Variants in L2HGDH observed in about 807,000 individuals in gnomAD.
L2HGDH encodes L-2-hydroxyglutarate dehydrogenase, mitochondrial.
A neutral mutation model predicts 51.5 loss-of-function variants in L2HGDH; 34 were observed. The observed-to-expected ratio is 0.66, with a 90% CI of 0.50 to 0.88. The LOEUF is 0.88. Ranked by LOEUF, L2HGDH falls within the 40% of genes least tolerant of loss-of-function variation. L2HGDH has a pLI of 0.00. For missense variants in L2HGDH, 558 were observed against 571.9 expected (o/e 0.98, Z 0.25); for synonymous variants, 198 against 197.9 (o/e 1.00, Z -0.01).
At chr14:50,303,664 C>T (rs894872176) in intron 1 of L2HGDH, among the ~76,000 whole-genome samples, 1 of 151,366 alleles carries the variant, frequency 6.6e-6, no homozygotes, top group Non-Finnish European at 1.5e-5. Context: ...GTAATCCCAA[C>T]TACTCGGGAG....
chr14:50,245,835 T>C lies in L2HGDH; in HGVS notation c.*1223A>G. 2.0e-6 allele frequency: 2 copies of C among 985,324 alleles called. No individual in the cohort carries two copies. The highest frequency in any genetic ancestry group is 2.4e-6 in the Non-Finnish European group (2 of 829,860). The allele number at this position is 985,324 out of a possible 1,614,324, so 61.0% of individuals were successfully genotyped here. ...GACAGGTCATTAACAAAGTCAGGGA[T>C]TCAGGGCTGAGCATGATGGCTCGCA... On this transcript the variant is annotated 3_prime_UTR_variant, in exon 10 of 10. Coordinates refer to ENST00000267436, the MANE Select transcript of L2HGDH (RefSeq NM_024884.3).
At chr14:50,294,587 T>C (rs1274103979) in intron 3 of L2HGDH, among the ~76,000 whole-genome samples, 1 of 152,174 alleles carries the variant, frequency 6.6e-6, no homozygotes, top group Non-Finnish European at 1.5e-5. Context: ...GAAGCATAAG[T>C]TGCTTGGACT....
At chr14:50,268,302 C>G (rs1225408043) in intron 7 of L2HGDH, among the ~76,000 whole-genome samples, 1 of 151,388 alleles carries the variant, frequency 6.6e-6, no homozygotes, top group African/African-American at 2.4e-5. Flanking sequence ...TCACTTAAAC[C>G]CAGGAGATGG....
rs554320769 is a variant in L2HGDH at position 50,267,865 on chromosome 14, T to G, written c.952A>C (p.Arg318=). ...CCTAGCCAAATACTGCCATCCATCC[T>G]TGGTGTGAAGTGAACTCCTAGGAAA... The part of the protein sequence containing the change: ...FPFLGVHFTP[R]MDGSIWLGPN... Residue 318 remains arginine (R), a synonymous_variant, in exon 8 of 10, where the codon AGG becomes CGG. Coordinates refer to ENST00000267436, the MANE Select transcript of L2HGDH (RefSeq NM_024884.3). The G allele has an allele frequency of 6.2e-7, 1 of 1,614,164 alleles. No homozygotes were observed. The highest frequency in any genetic ancestry group is 1.3e-5 in the African/African-American group (1 of 75,066).
At chr14:50,286,302 G>A (rs996418268) in intron 4 of L2HGDH, among the ~76,000 whole-genome samples, 2 of 152,050 alleles carry the variant, frequency 1.3e-5, no homozygotes, top group Non-Finnish European at 2.9e-5. Flanking sequence ...AGTTACCTTC[G>A]GCTACTCTGG....
rs1297866164 is a variant in L2HGDH, at chr14:50,243,634, A to C, written c.*3424T>G. 27 of 673,316 alleles carry C rather than the reference A, an allele frequency of 4.0e-5. No homozygotes were observed. Among genetic ancestry groups the C allele is most frequent in the Non-Finnish European group, 4.7e-5 (26 of 549,632 alleles). The allele number at this position is 673,316 out of a possible 1,614,324, so 41.7% of individuals were successfully genotyped here. ...CTACATATTCAAAACACTTTCAACA[A>C]ATTTTTCATTTTTATTTTTCAGGGT... On this transcript the variant is annotated 3_prime_UTR_variant, in exon 10 of 10. Transcript: ENST00000267436.
intron 6 of L2HGDH, among the ~76,000 whole-genome samples, chr14:50,275,282 AG>A (rs915904272): frequency 1.5e-4 from 23 of 152,214 alleles, no homozygotes; most frequent in African/African-American, 5.3e-4. Context: ...TTACTCACCA[AG>A]GCTGATCTGT....
chr14:50,250,004 C>A (rs906618710), intron 9 of L2HGDH, among the ~76,000 whole-genome samples: 3 of 147,554 alleles, frequency 2.0e-5, no homozygotes, highest in African/African-American at 7.5e-5. Context: ...TGGGCTCAAG[C>A]GATTCTCCTG....
chr14:50,249,006 G>C (rs1033413061), intron 9 of L2HGDH, among the ~76,000 whole-genome samples: 10 of 152,182 alleles, frequency 6.6e-5, no homozygotes, highest in African/African-American at 2.2e-4. Context: ...GGGAAAGGGA[G>C]GGTACAGTGG....
intron 4 of L2HGDH, chr14:50,293,344 A>T (rs2029873072): frequency 1.7e-5 from 12 of 694,634 alleles, no homozygotes; most frequent in Middle Eastern, 4.6e-4. Flanking sequence ...AATCAATTCC[A>T]AATGGACTGT....
chr14:50,310,624 G>T (rs1490034142), intron 1 of L2HGDH, among the ~76,000 whole-genome samples: 1 of 152,050 alleles, frequency 6.6e-6, no homozygotes, highest in African/African-American at 2.4e-5. Flanking sequence ...GATCGCTTGA[G>T]CCCAGGAGGG....
At chr14:50,277,206 T>TG (rs1324671948) in intron 6 of L2HGDH, among the ~76,000 whole-genome samples, 58 of 126,890 alleles carry the variant, frequency 4.6e-4, no homozygotes, top group Non-Finnish European at 9.9e-4. Context: ...GTTTTTTTTT[T>TG]GTTTTTTTTT....
At chr14:50,294,772 G>A (rs1776133561) in intron 3 of L2HGDH, among the ~76,000 whole-genome samples, 1 of 152,102 alleles carries the variant, frequency 6.6e-6, no homozygotes, top group South Asian at 2.1e-4. Flanking sequence ...CTGTTGCAGG[G>A]GGAAAACAGT....
At chr14:50,252,776 C>A (rs770860745) in intron 9 of L2HGDH, among the ~76,000 whole-genome samples, 41 of 151,978 alleles carry the variant, frequency 2.7e-4, no homozygotes, top group Non-Finnish European at 4.6e-4. Context: ...ACTGGAGTAC[C>A]CAGCTATACA....
At chr14:50,274,536 G>C (rs1021915250) in intron 6 of L2HGDH, among the ~76,000 whole-genome samples, 3 of 152,148 alleles carry the variant, frequency 2.0e-5, no homozygotes, top group South Asian at 2.1e-4. Context: ...ACAGGAAACA[G>C]TAAGGACGTT....
In L2HGDH at chr14:50,283,866, C is replaced by T. The variant is rs541863685; in HGVS notation, c.703+5G>A. 6.2e-7 allele frequency: 1 copy of T among 1,613,344 alleles called. No homozygotes were observed. Among genetic ancestry groups the T allele is most frequent in the South Asian group, 1.1e-5 (1 of 91,064 alleles). ...TATTCAATAGAAAAGACAAGGATGG[C>T]TTACCATCTATACTTCTTGAAGGAC... On this transcript the variant is annotated splice_donor_5th_base_variant and intron_variant, in intron 5 of 9. Transcript: ENST00000267436.
At chr14:50,306,300 C>T (rs1250495031) in intron 1 of L2HGDH, among the ~76,000 whole-genome samples, 1 of 152,140 alleles carries the variant, frequency 6.6e-6, no homozygotes, top group Non-Finnish European at 1.5e-5. Flanking sequence ...CCGCCCACCT[C>T]AGCCTCCCAA....
intron 3 of L2HGDH, among the ~76,000 whole-genome samples, chr14:50,294,931 C>T (rs1024742713): frequency 2.6e-5 from 4 of 151,952 alleles, no homozygotes; most frequent in Non-Finnish European, 5.9e-5. Context: ...TATTTCATAC[C>T]AAAGAGGCAA....
intron 4 of L2HGDH, 78 bp downstream of exon 4, chr14:50,294,037 C>A: frequency 1.3e-6 from 2 of 1,489,018 alleles, no homozygotes; most frequent in Non-Finnish European, 1.9e-6. Context: ...ATTATTCCTG[C>A]CTCCTATACA....
Sources: gnomAD v4.1 joint callset for allele counts (sites outside exome capture counted in the v4.1 genomes callset) on GRCh38, gnomAD v4.1.1 for gene constraint, MANE v1.5 for transcripts, NCBI Gene and HGNC (gene_info 2026-07-23, HGNC 2026-07-21) for gene names.